Variants in LDAH observed in about 807,000 individuals in gnomAD.
LDAH encodes lipid droplet-associated hydrolase.
Under a neutral mutation model 29.6 loss-of-function variants are expected in LDAH, and 26 were observed. The observed-to-expected ratio is 0.88, with a 90% CI of 0.64 to 1.22. The LOEUF is 1.22. Among genes scored for constraint, LDAH ranks in the 50% most tolerant of loss-of-function variants. The pLI, the probability that LDAH is intolerant of heterozygous loss-of-function variation, is 0.00. For synonymous variants in LDAH, 117 were observed against 133.0 expected (o/e 0.88, Z 0.83); for missense variants, 344 against 387.3 (o/e 0.89, Z 0.94).
intron 5 of LDAH, among the ~76,000 whole-genome samples, chr2:20,736,450 T>A (rs1274928206): frequency 6.6e-6 from 1 of 151,588 alleles, no homozygotes; most frequent in Admixed American, 6.6e-5. Flanking sequence ...TCAAAAAATA[T>A]ATAATAATAA....
At chr2:20,773,122 T>C (rs1010594889) in intron 4 of LDAH, among the ~76,000 whole-genome samples, 3 of 152,190 alleles carry the variant, frequency 2.0e-5, no homozygotes, top group East Asian at 1.9e-4. Flanking sequence ...TCTAGAGTTA[T>C]TTCCCTAATA....
intron 1 of LDAH, among the ~76,000 whole-genome samples, chr2:20,807,908 C>T (rs997818566): frequency 7.0e-6 from 1 of 143,150 alleles, no homozygotes; most frequent in African/African-American, 2.6e-5. Context: ...TGATTATTCA[C>T]AAACATGATG....
chr2:20,800,675 C>T (rs565406127), intron 2 of LDAH, among the ~76,000 whole-genome samples: 2 of 152,002 alleles, frequency 1.3e-5, no homozygotes, highest in African/African-American at 4.8e-5. Flanking sequence ...GCTCTGCCCC[C>T]CAGGCTGGAG....
intron 2 of LDAH, among the ~76,000 whole-genome samples, chr2:20,796,450 A>G (rs1311468447): frequency 6.6e-6 from 1 of 152,132 alleles, no homozygotes; most frequent in African/African-American, 2.4e-5. Flanking sequence ...TCAACTTTTT[A>G]GTCACTCACA....
chr2:20,776,204 T>A (rs140641852), intron 3 of LDAH, among the ~76,000 whole-genome samples: 1 of 152,294 alleles, frequency 6.6e-6, no homozygotes, highest in African/African-American at 2.4e-5. Context: ...TCAGAAAAAC[T>A]ACTCTTCTGT....
chr2:20,789,295 G>A (rs1222679079), intron 3 of LDAH: 2 of 1,549,538 alleles, frequency 1.3e-6, no homozygotes, highest in African/African-American at 1.4e-5. Context: ...AGTCCCAAGA[G>A]GGCTTGCCTC....
chr2:20,761,063 T>C (rs1204163152), intron 4 of LDAH, among the ~76,000 whole-genome samples: 2 of 152,194 alleles, frequency 1.3e-5, no homozygotes, highest in African/African-American at 4.8e-5. Flanking sequence ...AATTCTATCT[T>C]ATAGAAGCTG....
chr2:20,744,070 T>A (rs1667400940), intron 4 of LDAH, among the ~76,000 whole-genome samples: 1 of 152,094 alleles, frequency 6.6e-6, no homozygotes, highest in South Asian at 2.1e-4. Context: ...AGGATTTCCA[T>A]CTCTCTTCTT....
At chr2:20,755,129 TTGTGTGTGTG>T (rs70939051) in intron 4 of LDAH, among the ~76,000 whole-genome samples, 20 of 118,210 alleles carry the variant, frequency 1.7e-4, no homozygotes, top group African/African-American at 6.6e-4. Context: ...GTGTCTGTGT[TTGTGTGTGTG>T]TGTGTGTGTG....
intron 4 of LDAH, among the ~76,000 whole-genome samples, chr2:20,750,950 T>C: frequency 6.6e-6 from 1 of 152,214 alleles, no homozygotes; most frequent in East Asian, 1.9e-4. Context: ...AAAAGGAAGT[T>C]AAACATTGAG....
At chr2:20,747,145 T>TA (rs1340886944) in intron 4 of LDAH, among the ~76,000 whole-genome samples, 3 of 152,052 alleles carry the variant, frequency 2.0e-5, no homozygotes, top group South Asian at 2.1e-4. Context: ...AAATAGGCTT[T>TA]AAAAAAACAG....
At chr2:20,816,014 C>A (rs1433193827) in intron 1 of LDAH, among the ~76,000 whole-genome samples, 2 of 152,034 alleles carry the variant, frequency 1.3e-5, no homozygotes, top group Non-Finnish European at 2.9e-5. Flanking sequence ...AAAGGACCTA[C>A]ATGGAAGAAA....
At chr2:20,801,165 A>T in intron 2 of LDAH, 145 bp downstream of exon 2, 1 of 755,896 alleles carries the variant, frequency 1.3e-6, no homozygotes, top group Non-Finnish European at 2.1e-6. Context: ...ACGTCAAAAT[A>T]TTAAGGGTGG....
At chr2:20,704,088 G>A (rs937476095) in intron 5 of LDAH, among the ~76,000 whole-genome samples, 10 of 152,184 alleles carry the variant, frequency 6.6e-5, no homozygotes, top group Non-Finnish European at 1.2e-4. Flanking sequence ...AGAAGAACTT[G>A]AATGAAATGA....
In LDAH at chr2:20,774,883, T is replaced by A; in HGVS notation, c.395A>T (p.Lys132Ile). 1 of 1,613,714 alleles carries A rather than the reference T, an allele frequency of 6.2e-7. No homozygotes were observed. ...TATTGAATGGCCAATGAGCACAAGT[T>A]TCATGTCCTTTGGCACATGAGTTCT... ...FLRTHVPKDM[K>I]LVLIGHSIGS... The change falls in exon 4 of 7, where the codon AAA becomes ATA. Residue 132 changes from lysine (K) to isoleucine (I), a missense_variant. Coordinates refer to ENST00000237822, the MANE Select transcript of LDAH (RefSeq NM_021925.4).
rs188913421 is a variant in LDAH, at chr2:20,805,019, T to C, written c.-2-3554A>G. 8.9e-4 allele frequency among the ~76,000 whole-genome samples: 135 copies of C among 152,326 alleles called. 1 individual carries two copies. Among genetic ancestry groups the C allele is most frequent in the African/African-American group, 3.0e-3 (125 of 41,564 alleles). On this transcript the variant is annotated intron_variant, in intron 1 of 6. Coordinates refer to ENST00000237822, the MANE Select transcript of LDAH (RefSeq NM_021925.4). ...ATATTAGATTTAGCACTAAACACTA[T>C]ATTAAATTAGAGCACTGACTGAGAA... is the stretch of plus-strand genomic sequence containing the variant.
intron 6 of LDAH, among the ~76,000 whole-genome samples, chr2:20,689,120 A>G (rs895055977): frequency 1.3e-5 from 2 of 151,966 alleles, no homozygotes; most frequent in African/African-American, 2.4e-5. Context: ...CAGTTTGCTG[A>G]GAATGATGGT....
chr2:20,774,373 T>C (rs1669645067), intron 4 of LDAH, among the ~76,000 whole-genome samples: 1 of 152,212 alleles, frequency 6.6e-6, no homozygotes, highest in Non-Finnish European at 1.5e-5. Context: ...AGATGTAGTG[T>C]TCCATAAAGA....
chr2:20,783,512 G>T (rs1670346061), intron 3 of LDAH, among the ~76,000 whole-genome samples: 1 of 152,130 alleles, frequency 6.6e-6, no homozygotes. Flanking sequence ...TTTCCTTGAA[G>T]AACTGGTTCT....
Sources: allele counts gnomAD v4.1 joint callset (sites outside exome capture counted in the v4.1 genomes callset), GRCh38; gene constraint gnomAD v4.1.1; transcripts MANE v1.5; gene names NCBI Gene and HGNC (gene_info 2026-07-23, HGNC 2026-07-21).